LINGO1: variants seen among roughly 807,000 people sequenced by gnomAD.
The protein encoded by LINGO1 is leucine rich repeat and Ig domain containing 1, also known as leucine-rich repeat and immunoglobulin-like domain-containing nogo receptor-interacting protein 1.
In LINGO1, 11 loss-of-function variants were observed where a neutral mutation model predicts 37.3. The ratio of observed to expected loss-of-function variants is 0.29; its 90% CI spans 0.19 to 0.49. The LOEUF (loss-of-function observed/expected upper bound fraction) is 0.49, where lower values mean the gene tolerates loss of function less well. Ranked by LOEUF, LINGO1 falls within the 20% of genes least tolerant of loss-of-function variation. LINGO1 has a pLI of 0.99. For missense variants in LINGO1, 585 were observed against 878.2 expected (o/e 0.67, Z 4.22); for synonymous variants, 387 against 403.0 (o/e 0.96, Z 0.48).
chr15:77,686,163 G>A (rs2075506949), intron 2 of LINGO1, among the ~76,000 whole-genome samples: 1 of 152,192 alleles, frequency 6.6e-6, no homozygotes, highest in African/African-American at 2.4e-5. Flanking sequence ...CAAGCCCTAA[G>A]TCTGTGGTCG....
At chr15:77,646,349 T>C in intron 3 of LINGO1, 1 of 413,318 alleles carries the variant, frequency 2.4e-6, no homozygotes, top group Non-Finnish European at 4.9e-6. Flanking sequence ...AGGATGGACA[T>C]GGCACCCACA....
chr15:77,664,170 T>TGTGTGTGTGTGTGTGTGTGCGCGCGC, intron 3 of LINGO1, among the ~76,000 whole-genome samples: 6 of 131,008 alleles, frequency 4.6e-5, no homozygotes, highest in African/African-American at 2.2e-4. Flanking sequence ...TGTGTGTGTG[T>TGTGTGTGTGTGTGTGTGTGCGCGCGC]GCGCGCGCGC....
At chr15:77,690,969 G>A (rs897579784) in intron 1 of LINGO1, 11 of 152,240 alleles carry the variant, frequency 7.2e-5, no homozygotes, top group African/African-American at 4.8e-5. Flanking sequence ...CAGGAAGTAG[G>A]GCAGATGGTG....
intron 3 of LINGO1, among the ~76,000 whole-genome samples, chr15:77,656,870 C>T (rs992306361): frequency 1.3e-5 from 2 of 152,144 alleles, no homozygotes; most frequent in African/African-American, 4.8e-5. Flanking sequence ...GGCAGTGGCA[C>T]CCTGGCTGCC....
chr15:77,755,284 G>A (rs1387025309), intron 1 of LINGO1, among the ~76,000 whole-genome samples: 1 of 152,244 alleles, frequency 6.6e-6, no homozygotes, highest in East Asian at 1.9e-4. Context: ...CCCCAGGCCA[G>A]GCACAGAGTC....
At chr15:77,807,012 T>G (rs2076965655) in intron 1 of LINGO1, among the ~76,000 whole-genome samples, 1 of 152,166 alleles carries the variant, frequency 6.6e-6, no homozygotes, top group Non-Finnish European at 1.5e-5. Flanking sequence ...CTCAGGCCCA[T>G]CTGGGCAGCC....
intron 3 of LINGO1, among the ~76,000 whole-genome samples, chr15:77,654,971 TCTCTC>T (rs2074837412): frequency 6.6e-6 from 1 of 152,066 alleles, no homozygotes; most frequent in Non-Finnish European, 1.5e-5. Flanking sequence ...AAGCCAGACT[TCTCTC>T]CTGTTTTCCC....
intron 2 of LINGO1, among the ~76,000 whole-genome samples, chr15:77,717,700 C>T (rs1203122806): frequency 2.0e-5 from 3 of 150,794 alleles, no homozygotes; most frequent in African/African-American, 4.8e-5. Context: ...TGGGCCAGGG[C>T]GGCCCCCACC....
chr15:77,704,468 C>A (rs1431037218), intron 2 of LINGO1, among the ~76,000 whole-genome samples: 1 of 151,654 alleles, frequency 6.6e-6, no homozygotes, highest in Non-Finnish European at 1.5e-5. Flanking sequence ...CGACTCTGGT[C>A]AGACACTGAG....
upstream of LINGO1, among the ~76,000 whole-genome samples, chr15:77,700,855 G>T (rs1484427301): frequency 6.6e-6 from 1 of 152,178 alleles, no homozygotes; most frequent in African/African-American, 2.4e-5. Flanking sequence ...TGTGCGGCCT[G>T]CTACCCGCAG....
chr15:77,645,472 C>T (rs2074604816), intron 3 of LINGO1, among the ~76,000 whole-genome samples: 1 of 152,256 alleles, frequency 6.6e-6, no homozygotes, highest in Non-Finnish European at 1.5e-5. Context: ...GTCCCATTTA[C>T]TTAACGTGCT....
intron 1 of LINGO1, among the ~76,000 whole-genome samples, chr15:77,759,586 C>T (rs186032081): frequency 2.6e-5 from 4 of 152,326 alleles, no homozygotes; most frequent in Admixed American, 1.3e-4. Context: ...GCTCAGCAAG[C>T]GTCACCTTCA....
chr15:77,676,216 C>T (rs1249712790), intron 3 of LINGO1, among the ~76,000 whole-genome samples: 1 of 152,216 alleles, frequency 6.6e-6, no homozygotes, highest in African/African-American at 2.4e-5. Flanking sequence ...CTCCAGGACA[C>T]CCACAACAGC....
chr15:77,732,965 C>T (rs1018845359), intron 2 of LINGO1, among the ~76,000 whole-genome samples: 2 of 152,224 alleles, frequency 1.3e-5, no homozygotes, highest in Non-Finnish European at 1.5e-5. Context: ...CACGGCCGGC[C>T]TCCTGGATTG....
At chr15:77,783,780 G>C (rs1191926227) in intron 1 of LINGO1, among the ~76,000 whole-genome samples, 1 of 152,234 alleles carries the variant, frequency 6.6e-6, no homozygotes, top group Non-Finnish European at 1.5e-5. Context: ...TCAGAAAGCA[G>C]GGAAGCTAGA....
At chr15:77,810,727 G>A (rs2076998922) in intron 1 of LINGO1, among the ~76,000 whole-genome samples, 1 of 152,184 alleles carries the variant, frequency 6.6e-6, no homozygotes, top group African/African-American at 2.4e-5. Context: ...CCATACCTGT[G>A]ACCTCTGGGA....
chr15:77,786,643 C>T (rs972237907), intron 1 of LINGO1, among the ~76,000 whole-genome samples: 2 of 152,186 alleles, frequency 1.3e-5, no homozygotes, highest in East Asian at 3.9e-4. Flanking sequence ...CCCTCCATGC[C>T]GCCTGGACAG....
At chr15:77,743,582 A>C (rs888131783) in intron 1 of LINGO1, among the ~76,000 whole-genome samples, 1 of 152,162 alleles carries the variant, frequency 6.6e-6, no homozygotes, top group African/African-American at 2.4e-5. Context: ...GTAGGGAATG[A>C]TTTTGCATTT....
intron 2 of LINGO1, among the ~76,000 whole-genome samples, chr15:77,685,670 C>T (rs2075496006): frequency 7.0e-6 from 1 of 142,760 alleles, no homozygotes; most frequent in East Asian, 2.3e-4. Flanking sequence ...CCAGCCTGGG[C>T]AACATAGTGA....
Sources: allele counts gnomAD v4.1 joint callset (sites outside exome capture counted in the v4.1 genomes callset), GRCh38; gene constraint gnomAD v4.1.1; transcripts MANE v1.5; gene names NCBI Gene and HGNC (gene_info 2026-07-23, HGNC 2026-07-21).